The following CARS2 variants were observed in gnomAD, a reference collection of about 807,000 sequenced individuals.
CARS2 encodes the protein cysteinyl-tRNA synthetase 2, mitochondrial, also known as probable cysteine--tRNA ligase, mitochondrial.
CARS2 carries 52 observed loss-of-function variants against 68.8 expected under a neutral mutation model. That is an observed-to-expected ratio of 0.76 (90% CI 0.61 to 0.95). CARS2 has a LOEUF of 0.95. CARS2 is among the 40% of genes least tolerant of loss of function. CARS2 has a pLI of 0.00. For synonymous variants in CARS2, 314 were observed against 303.6 expected (o/e 1.03, Z -0.36); for missense variants, 780 against 754.2 (o/e 1.03, Z -0.40).
intron 6 of CARS2, among the ~76,000 whole-genome samples, chr13:110,682,100 G>A (rs1431704274): frequency 2.0e-5 from 3 of 152,142 alleles, no homozygotes; most frequent in African/African-American, 7.2e-5. Context: ...AATGGTGGGG[G>A]ATGCTGACAG....
chr13:110,701,884 G>A (rs186026606), intron 2 of CARS2, among the ~76,000 whole-genome samples: 42 of 152,290 alleles, frequency 2.8e-4, no homozygotes, highest in South Asian at 8.3e-4. Context: ...AGTTAAGATC[G>A]TGTTTTCACC....
rs181638973 is a variant in CARS2 at position 110,643,607 on chromosome 13, G to A, written c.1416+778C>T. ...AGCCCCCGTCCAGGCAGCAGCAGCC[G>A]AGCCACACCCCAAAAGAGCCAGAGC... On this transcript the variant is annotated intron_variant, in intron 13 of 14. Transcript: ENST00000257347. 313 of 154,276 alleles carry A rather than the reference G, an allele frequency of 2.0e-3. 1 individual carries two copies. The highest frequency in any genetic ancestry group is 3.0e-3 in the Admixed American group (46 of 15,526). 9.6% of individuals were successfully genotyped at this position (154,276 alleles called of 1,614,324 possible). A position where few individuals can be genotyped will look rare whatever the true frequency, so the allele number is the denominator to read the frequency against.
chr13:110,706,045 C>G lies in CARS2; in HGVS notation c.49G>C (p.Ala17Pro). ...CCAGCCCGCCCAAGGCCCAGCGCGG[C>G]CTGGAGCAGCGGGGGGCCCAGGCCT... Reference protein sequence around the residue: ...GPGLGPPLLQAALGLGRAGWH... With the variant: ...GPGLGPPLLQPALGLGRAGWH... The change falls in exon 1 of 15, where the codon GCC becomes CCC. Residue 17 changes from alanine (A) to proline (P), a missense_variant. By Grantham distance (27) the Ala-to-Pro change is conservative. Transcript: ENST00000257347. 7.3e-7 allele frequency: 1 copy of G among 1,367,458 alleles called. No individual in the cohort carries two copies. Among genetic ancestry groups the G allele is most frequent in the Non-Finnish European group, 9.4e-7 (1 of 1,062,364 alleles). The allele number at this position is 1,367,458 out of a possible 1,614,324, so 84.7% of individuals were successfully genotyped here.
intron 9 of CARS2, among the ~76,000 whole-genome samples, chr13:110,652,861 C>T (rs1351296272): frequency 6.6e-6 from 1 of 152,144 alleles, no homozygotes; most frequent in Non-Finnish European, 1.5e-5. Context: ...TTCTGCCAGC[C>T]TTGCACCGAA....
chr13:110,706,102 C>T lies in CARS2; in HGVS notation c.-9G>A. On this transcript the variant is annotated 5_prime_UTR_variant, in exon 1 of 15. Transcript: ENST00000257347. ...CGCGTAGTCCTCAACATGTCAGCGG[C>T]CAGCGCCTACGACTGGGCGGAGACG... 1 of 1,309,060 alleles carries T rather than the reference C, an allele frequency of 7.6e-7. No homozygotes were observed. 81.1% of individuals were successfully genotyped at this position (1,309,060 alleles called of 1,614,324 possible).
At chr13:110,644,619 G>A in intron 12 of CARS2, 136 bp from the exon 13 acceptor site, 1 of 1,452,518 alleles carries the variant, frequency 6.9e-7, no homozygotes, top group South Asian at 1.4e-5. Flanking sequence ...ATGGAGGGAG[G>A]ACACAGCTCT....
At chr13:110,713,071 C>T in intron 1 of CARS2, 1 of 1,446,820 alleles carries the variant, frequency 6.9e-7, no homozygotes, top group Non-Finnish European at 9.1e-7. Flanking sequence ...GCCCGGCCCT[C>T]CCCTTCCTTC....
At chr13:110,691,970 C>T (rs1314636617) in intron 3 of CARS2, among the ~76,000 whole-genome samples, 4 of 115,304 alleles carry the variant, frequency 3.5e-5, no homozygotes, top group Admixed American at 2.3e-4. Flanking sequence ...GTCAATCCTA[C>T]CACATAAAGC....
At chr13:110,701,395 T>G (rs1203735572) in intron 3 of CARS2, 43 bp downstream of exon 3, 4 of 935,598 alleles carry the variant, frequency 4.3e-6, no homozygotes, top group Non-Finnish European at 7.1e-6. Context: ...CTCAGAACAC[T>G]AATCAATGGC....
At chr13:110,712,954 A>G in intron 1 of CARS2, 5 of 1,559,428 alleles carry the variant, frequency 3.2e-6, no homozygotes, top group Non-Finnish European at 4.3e-6. Context: ...GGCTGCTGGG[A>G]GTGGTGGTCC....
rs749807005 is a variant in CARS2, at chr13:110,641,506, T to C, written c.*31A>G. On this transcript the variant is annotated 3_prime_UTR_variant, in exon 15 of 15. Transcript: ENST00000257347. ...CCCTGAGAAGCATGGGTGCGTCTTGTCGTGAGCAGGTTCATGGCTGTGCTC... is the reference window on the plus strand; with the variant it reads ...CCCTGAGAAGCATGGGTGCGTCTTGCCGTGAGCAGGTTCATGGCTGTGCTC... 1.9e-6 allele frequency: 3 copies of C among 1,570,170 alleles called. No homozygotes were observed. The highest frequency in any genetic ancestry group is 1.3e-5 in the African/African-American group (1 of 74,154).
At chr13:110,644,200 T>C (rs1887783666) in intron 13 of CARS2, 185 bp downstream of exon 13, 1 of 1,467,764 alleles carries the variant, frequency 6.8e-7, no homozygotes, top group Admixed American at 2.0e-5. Flanking sequence ...AGTAGAATTG[T>C]GCAATTCCAA....
chr13:110,687,457 CA>C (rs932859876), intron 5 of CARS2, among the ~76,000 whole-genome samples: 2 of 151,994 alleles, frequency 1.3e-5, no homozygotes, highest in African/African-American at 4.8e-5. Flanking sequence ...ATCACAAGGT[CA>C]GGAGTTTGAG....
intron 9 of CARS2, among the ~76,000 whole-genome samples, chr13:110,661,337 C>A (rs1256254036): frequency 6.6e-6 from 1 of 152,206 alleles, no homozygotes; most frequent in Non-Finnish European, 1.5e-5. Context: ...CCTCACAAAC[C>A]AACCCCTGCT....
intron 5 of CARS2, among the ~76,000 whole-genome samples, chr13:110,685,849 T>C (rs982963776): frequency 6.6e-6 from 1 of 152,026 alleles, no homozygotes; most frequent in African/African-American, 2.4e-5. Flanking sequence ...CAGCCTTGCC[T>C]GGGGTCCACC....
chr13:110,651,007 A>G lies in CARS2; in HGVS notation c.1054+27T>C, dbSNP rs756714802. On this transcript the variant is annotated intron_variant, in intron 10 of 14. Coordinates refer to ENST00000257347, the MANE Select transcript of CARS2 (RefSeq NM_024537.4). ...ATGACTGTCTCCGAGCTGGGGGGGG[A>G]GTCCACTCCACGTGTGCTCGGCTCA... 8 of 1,555,632 alleles carry G rather than the reference A, an allele frequency of 5.1e-6. No homozygotes were observed. The African/African-American group carries it at 8.2e-5, about 16-fold the overall frequency.
At chr13:110,687,678 CAAAA>C in intron 5 of CARS2, 39 bp downstream of exon 5, 4 of 784,914 alleles carry the variant, frequency 5.1e-6, no homozygotes, top group Admixed American at 3.5e-5. Flanking sequence ...AACTCTGTCT[CAAAA>C]AAAAAAAAAG....
intron 3 of CARS2, among the ~76,000 whole-genome samples, chr13:110,689,835 G>A (rs188680965): frequency 6.6e-6 from 1 of 152,270 alleles, no homozygotes; most frequent in East Asian, 1.9e-4. Context: ...TGTCTATCCA[G>A]GGGACAAAAG....
chr13:110,679,597 A>AAGAAAGAAAGAAAGAAAGAGAG (rs1312030282), intron 6 of CARS2, among the ~76,000 whole-genome samples: 22 of 43,694 alleles, frequency 5.0e-4, no homozygotes, highest in Admixed American at 3.0e-3. Flanking sequence ...GAAAGAAAGA[A>AAGAAAGAAAGAAAGAAAGAGAG]AGAGAGAGAG....
Sources: gnomAD v4.1 joint callset for allele counts (sites outside exome capture counted in the v4.1 genomes callset) on GRCh38, gnomAD v4.1.1 for gene constraint, MANE v1.5 for transcripts, NCBI Gene and HGNC (gene_info 2026-07-23, HGNC 2026-07-21) for gene names.